RAB9B: variants seen among roughly 807,000 people sequenced by gnomAD.
RAB9B encodes the protein RAB9B, member RAS oncogene family, also known as ras-related protein Rab-9B.
A neutral mutation model predicts 8.9 loss-of-function variants in RAB9B; 1 was observed. That is an observed-to-expected ratio of 0.11 (90% CI 0.04 to 0.53). The LOEUF (loss-of-function observed/expected upper bound fraction) is 0.53. Ranked by LOEUF, RAB9B falls within the 20% of genes least tolerant of loss-of-function variation. The pLI, the probability that RAB9B is intolerant of heterozygous loss-of-function variation, is 0.93. For missense variants in RAB9B, 82 were observed against 152.9 expected, an observed-to-expected ratio of 0.54 and a Z score of 2.45; for synonymous variants, 63 against 57.0, an observed-to-expected ratio of 1.10 and a Z score of -0.47.
the RAB9B span, among the ~76,000 whole-genome samples, chrX:103,805,929 C>A: frequency 9.0e-6 from 1 of 110,610 alleles, no homozygotes; most frequent in African/African-American, 3.3e-5. Context: ...CATTTGTTTA[C>A]CTCTAATCTT....
At chrX:103,785,965 C>G in the RAB9B span, 2 of 674,386 alleles carry the variant, frequency 3.0e-6, no homozygotes, top group South Asian at 5.7e-5. Context: ...TGCCTGCCTG[C>G]CTGTCAGCCC....
intron 1 of RAB9B, among the ~76,000 whole-genome samples, chrX:103,827,840 T>C (rs189315873): frequency 1.0e-4 from 11 of 110,301 alleles, no homozygotes; most frequent in Admixed American, 8.7e-4. Flanking sequence ...CTAAGTTTTG[T>C]AGTTTTTGTA....
At chrX:103,789,390 G>C in the RAB9B span, 2 of 1,200,127 alleles carry the variant, frequency 1.7e-6, no homozygotes, top group Admixed American at 2.2e-5. Flanking sequence ...AGCTACACTG[G>C]TTTCCCTGGT....
the RAB9B span, chrX:103,785,675 G>C: frequency 8.3e-7 from 1 of 1,209,938 alleles, no homozygotes. Flanking sequence ...GCACTGTTCT[G>C]TGGCTGTGGA....
chrX:103,780,520 G>C, the RAB9B span, among the ~76,000 whole-genome samples: 5 of 109,705 alleles, frequency 4.6e-5, no homozygotes, highest in African/African-American at 1.7e-4. Flanking sequence ...TCCAGATGCT[G>C]TTGCCGTGGT....
At chrX:103,818,738 A>G (rs2074649042), downstream of RAB9B, among the ~76,000 whole-genome samples, 1 of 111,600 alleles carries the variant, frequency 9.0e-6, no homozygotes, top group African/African-American at 3.3e-5. Context: ...ATCAATTTTA[A>G]AAATACATAA....
the RAB9B span, among the ~76,000 whole-genome samples, chrX:103,789,794 A>T: frequency 4.5e-5 from 5 of 111,941 alleles, no homozygotes; most frequent in South Asian, 1.9e-3. Flanking sequence ...AATTCTATAT[A>T]CTATCAATAT....
downstream of RAB9B, among the ~76,000 whole-genome samples, chrX:103,817,347 G>T (rs887983797): frequency 9.0e-6 from 1 of 110,859 alleles, no homozygotes; most frequent in Non-Finnish European, 1.9e-5. Flanking sequence ...ACCAAACGCC[G>T]CATGTTCTTA....
the RAB9B span, among the ~76,000 whole-genome samples, chrX:103,784,295 C>G: frequency 9.0e-6 from 1 of 111,418 alleles, no homozygotes; most frequent in African/African-American, 3.3e-5. Flanking sequence ...TCCTCTAGTG[C>G]CAGAAAGATG....
the RAB9B span, among the ~76,000 whole-genome samples, chrX:103,787,196 AGAGGGAATT>A: frequency 8.9e-6 from 1 of 111,846 alleles, no homozygotes; most frequent in Non-Finnish European, 1.9e-5. Flanking sequence ...TCGAGGTCCC[AGAGGGAATT>A]GGAGTAGATC....
At chrX:103,785,929 C>T in the RAB9B span, 2 of 701,278 alleles carry the variant, frequency 2.9e-6, no homozygotes, top group Non-Finnish European at 4.3e-6. Context: ...GCTCCACATT[C>T]GAAGCCCATT....
rs777259056 is a variant in RAB9B, at chrX:103,825,422, A to G, written c.363T>C (p.Val121=). Residue 121 remains valine (V), a synonymous_variant, in exon 3 of 3, where the codon GTT becomes GTC. Transcript: ENST00000243298. ...CCTCTTTGTCTACCTTGTTACCCAG[A>G]ACTACAAAGGGGAAATGCTCAGGGT... The part of the protein sequence containing the change: ...VKDPEHFPFV[V]LGNKVDKEDR... The G allele has an allele frequency of 8.3e-6, 10 of 1,211,921 alleles. No individual in the cohort carries two copies. The highest frequency in any genetic ancestry group is 8.9e-6 in the Non-Finnish European group (8 of 895,535).
chrX:103,808,369 T>C, the RAB9B span, among the ~76,000 whole-genome samples: 1 of 111,981 alleles, frequency 8.9e-6, no homozygotes, highest in South Asian at 3.8e-4. Flanking sequence ...AAATGTCAGC[T>C]ACTGGTCTCT....
chrX:103,786,320 G>T, the RAB9B span: 2 of 1,059,634 alleles, frequency 1.9e-6, no homozygotes, highest in Non-Finnish European at 2.6e-6. Context: ...GTGAAAGCAT[G>T]CAGGAGGAAC....
At chrX:103,827,782 T>G (rs761506456) in intron 1 of RAB9B, among the ~76,000 whole-genome samples, 2 of 111,346 alleles carry the variant, frequency 1.8e-5, no homozygotes, top group Non-Finnish European at 3.8e-5. Context: ...TCTTCCCACC[T>G]CAGCCTTCTG....
At chrX:103,796,113 A>G in the RAB9B span, among the ~76,000 whole-genome samples, 1 of 111,866 alleles carries the variant, frequency 8.9e-6, no homozygotes, top group East Asian at 2.8e-4. Context: ...ACTTTAAAAT[A>G]TTTCCAGGTT....
chrX:103,809,675 G>T, the RAB9B span, among the ~76,000 whole-genome samples: 1 of 112,137 alleles, frequency 8.9e-6, no homozygotes, highest in Non-Finnish European at 1.9e-5. Flanking sequence ...CAATGATGCT[G>T]CAAGAAACCT....
chrX:103,790,289 T>C, the RAB9B span, among the ~76,000 whole-genome samples: 1 of 112,688 alleles, frequency 8.9e-6, no homozygotes, highest in South Asian at 3.6e-4. Flanking sequence ...AATAAATCTT[T>C]ATGATTTGAT....
chrX:103,821,809 G>A (rs1469097924), downstream of RAB9B, among the ~76,000 whole-genome samples: 1 of 111,112 alleles, frequency 9.0e-6, no homozygotes, highest in Non-Finnish European at 1.9e-5. Flanking sequence ...AATTTAGGGG[G>A]CACAAGTGCA....
Sources: allele counts gnomAD v4.1 joint callset (sites outside exome capture counted in the v4.1 genomes callset), GRCh38; gene constraint gnomAD v4.1.1; transcripts MANE v1.5; gene names NCBI Gene and HGNC (gene_info 2026-07-23, HGNC 2026-07-21).